Variants in PTPRN2 observed in about 807,000 individuals in gnomAD.
PTPRN2 encodes the protein receptor-type tyrosine-protein phosphatase N2.
A neutral mutation model predicts 118.8 loss-of-function variants in PTPRN2; 74 were observed. The observed-to-expected ratio is 0.62, with a 90% CI of 0.52 to 0.76. PTPRN2 has a LOEUF of 0.76. PTPRN2 is among the 30% of genes least tolerant of loss of function. The pLI is 0.00. For synonymous variants in PTPRN2, 641 were observed against 608.0 expected, an observed-to-expected ratio of 1.05 and a Z score of -0.80; for missense variants, 1,481 against 1,394.4, an observed-to-expected ratio of 1.06 and a Z score of -0.99.
chr7:158,388,134 T>C (rs1811646495), intron 2 of PTPRN2, among the ~76,000 whole-genome samples: 1 of 152,102 alleles, frequency 6.6e-6, no homozygotes, highest in Non-Finnish European at 1.5e-5. Flanking sequence ...CTCTCCCCTG[T>C]GTCGGCTTCA....
At chr7:158,377,317 C>T (rs1173339362) in intron 2 of PTPRN2, among the ~76,000 whole-genome samples, 1 of 152,266 alleles carries the variant, frequency 6.6e-6, no homozygotes, top group Non-Finnish European at 1.5e-5. Flanking sequence ...CCTGTTTCAT[C>T]ATGAATCTGG....
chr7:158,350,895 A>G (rs1807875509), intron 2 of PTPRN2, among the ~76,000 whole-genome samples: 1 of 152,214 alleles, frequency 6.6e-6, no homozygotes, highest in African/African-American at 2.4e-5. Context: ...TGGAATACAA[A>G]TCAATTTGTC....
In PTPRN2 at chr7:158,152,779, C is replaced by A. The variant is rs555033727; in HGVS notation, c.910+14152G>T. On this transcript the variant is annotated intron_variant, in intron 6 of 22. Coordinates refer to ENST00000389418, the MANE Select transcript of PTPRN2 (RefSeq NM_002847.5). ...CAAGAGGAGCACGTTGGCAAAAGAG[C>A]AGACCAACAGACACCAGCATGCCAG... Among the ~76,000 whole-genome samples, 11 of 152,384 alleles carry A rather than the reference C, an allele frequency of 7.2e-5. No homozygotes were observed. In the South Asian group the frequency reaches 2.3e-3, roughly 32 times the overall value.
At chr7:158,028,191 G>A (rs1807415494) in intron 11 of PTPRN2, 1 of 152,188 alleles carries the variant, frequency 6.6e-6, no homozygotes, top group Admixed American at 6.5e-5. Flanking sequence ...AAAATTCTCT[G>A]GACATTTTCA....
chr7:158,139,132 G>A (rs1386492455), intron 6 of PTPRN2, among the ~76,000 whole-genome samples: 1 of 152,144 alleles, frequency 6.6e-6, no homozygotes, highest in Admixed American at 6.5e-5. Flanking sequence ...CACACAAGCA[G>A]CAACAGATGC....
At chr7:157,670,904 G>A (rs1796377343) in intron 13 of PTPRN2, among the ~76,000 whole-genome samples, 1 of 152,066 alleles carries the variant, frequency 6.6e-6, no homozygotes, top group Non-Finnish European at 1.5e-5. Context: ...GTAGAGAACG[G>A]GCAGCTGTTT....
chr7:157,951,770 C>A (rs575877630), intron 11 of PTPRN2, among the ~76,000 whole-genome samples: 1 of 152,260 alleles, frequency 6.6e-6, no homozygotes, highest in Non-Finnish European at 1.5e-5. Flanking sequence ...ACCATCTTCC[C>A]TGACCATGGC....
In PTPRN2 at chr7:158,563,504, C is replaced by T. The variant is rs766400779; in HGVS notation, c.112+24054G>A. 5.9e-5 allele frequency among the ~76,000 whole-genome samples: 9 copies of T among 152,184 alleles called. No homozygotes were observed. The highest frequency in any genetic ancestry group is 1.2e-4 in the Non-Finnish European group (8 of 68,032). The stretch of plus-strand genomic sequence containing the variant: ...TAAAAAAATGACCAAGATATAAGGC[C>T]GTGGAAATGCAACTTGATTACAACA... On this transcript the variant is annotated intron_variant, in intron 1 of 22. Coordinates refer to ENST00000389418, the MANE Select transcript of PTPRN2 (RefSeq NM_002847.5). This position sits in a 1 kb window ranked among gnomAD's most constrained non-coding sequence, Gnocchi z 5.1.
chr7:157,642,845 G>GAA (rs1563293128), intron 14 of PTPRN2, among the ~76,000 whole-genome samples: 1 of 80,022 alleles, frequency 1.2e-5, no homozygotes, highest in Non-Finnish European at 2.1e-5. Flanking sequence ...AAAAAAAAAA[G>GAA]CAGCTAAAAC....
At chr7:157,613,207 G>A (rs1166172216) in intron 15 of PTPRN2, among the ~76,000 whole-genome samples, 1 of 152,254 alleles carries the variant, frequency 6.6e-6, no homozygotes, top group Non-Finnish European at 1.5e-5. Flanking sequence ...GGTCGAGGGC[G>A]CTGACGAGGC....
At chr7:158,417,480 C>T (rs1018230310) in intron 2 of PTPRN2, among the ~76,000 whole-genome samples, 12 of 148,816 alleles carry the variant, frequency 8.1e-5, no homozygotes, top group Admixed American at 6.7e-5. Flanking sequence ...TGTACTACAT[C>T]GAGATGCTCT....
Position 157,964,106 on chromosome 7 carries a change from C to A in PTPRN2, c.1724-65369G>T, listed in dbSNP as rs1381930725. 1.3e-5 allele frequency among the ~76,000 whole-genome samples: 2 copies of A among 152,158 alleles called. No homozygotes were observed. The highest frequency in any genetic ancestry group is 6.5e-5 in the Admixed American group (1 of 15,286). Reference sequence around the variant, plus strand: ...TAAGAGGCTGTTGAGGGCACGACCACCTCGCAGTGACCTCCCTCTGTGTGG... The same window carrying A: ...TAAGAGGCTGTTGAGGGCACGACCAACTCGCAGTGACCTCCCTCTGTGTGG... On this transcript the variant is annotated intron_variant, in intron 11 of 22. Coordinates refer to ENST00000389418, the MANE Select transcript of PTPRN2 (RefSeq NM_002847.5). This position sits in a 1 kb window ranked among gnomAD's most constrained non-coding sequence, Gnocchi z 9.0.
At chr7:158,408,918 C>T (rs934797770) in intron 2 of PTPRN2, among the ~76,000 whole-genome samples, 1 of 151,856 alleles carries the variant, frequency 6.6e-6, no homozygotes, top group Non-Finnish European at 1.5e-5. Flanking sequence ...AACTCTGTTA[C>T]CACAAACATG....
intron 11 of PTPRN2, among the ~76,000 whole-genome samples, chr7:158,011,975 C>G (rs1806080148): frequency 6.6e-6 from 1 of 152,124 alleles, no homozygotes; most frequent in Non-Finnish European, 1.5e-5. Context: ...AATAAGAGAT[C>G]AAATATTCCA....
chr7:158,312,811 T>C (rs1455452331), intron 3 of PTPRN2, among the ~76,000 whole-genome samples: 1 of 151,154 alleles, frequency 6.6e-6, no homozygotes, highest in Non-Finnish European at 1.5e-5. Context: ...ATTCACGTGC[T>C]CACGTGTAGA....
At chr7:157,604,285 G>A (rs1276131417) in intron 15 of PTPRN2, among the ~76,000 whole-genome samples, 1 of 152,194 alleles carries the variant, frequency 6.6e-6, no homozygotes, top group African/African-American at 2.4e-5. Context: ...GGGCCCACCC[G>A]CATCCTCTCC....
At chr7:158,548,493 C>T (rs1826437784) in intron 1 of PTPRN2, among the ~76,000 whole-genome samples, 1 of 152,226 alleles carries the variant, frequency 6.6e-6, no homozygotes, top group South Asian at 2.1e-4. Flanking sequence ...CCACCGAGCT[C>T]CGCCCGCTCT....
intron 11 of PTPRN2, among the ~76,000 whole-genome samples, chr7:157,921,129 G>T (rs894710371): frequency 6.6e-6 from 1 of 152,170 alleles, no homozygotes; most frequent in Non-Finnish European, 1.5e-5. Flanking sequence ...CATATAATAG[G>T]ATATCATTCA....
rs73744884 is a variant in PTPRN2, at chr7:157,777,580, G to A, written c.1789-94643C>T. On this transcript the variant is annotated intron_variant, in intron 12 of 22. Transcript: ENST00000389418. ...TCCTGCCTGTCATGTCCTGTCCCCC[G>A]GACACTATGAAAGGGCAGTCCCGCT... 2.7e-3 allele frequency among the ~76,000 whole-genome samples: 405 copies of A among 149,076 alleles called. 12 individuals are homozygous for A. Among genetic ancestry groups the A allele is most frequent in the African/African-American group, 9.7e-3 (374 of 38,556 alleles).
Sources: allele counts gnomAD v4.1 joint callset (sites outside exome capture counted in the v4.1 genomes callset), GRCh38; gene constraint gnomAD v4.1.1; non-coding constraint Gnocchi (gnomAD v3.1); transcripts MANE v1.5; gene names NCBI Gene and HGNC (gene_info 2026-07-23, HGNC 2026-07-21).